ATP11B: variants seen among roughly 807,000 people sequenced by gnomAD.
The protein encoded by ATP11B is ATPase phospholipid transporting 11B (putative).
A neutral mutation model predicts 157.8 loss-of-function variants in ATP11B; 81 were observed. The observed-to-expected ratio is 0.51, with a 90% CI of 0.43 to 0.62. ATP11B has a LOEUF of 0.62. Among genes scored for constraint, ATP11B ranks in the 20% least tolerant of loss-of-function variants. ATP11B has a pLI of 0.00. For missense variants in ATP11B, 1,165 were observed against 1,402.2 expected (o/e 0.83, Z 2.70); for synonymous variants, 451 against 469.4 (o/e 0.96, Z 0.51).
chr3:182,886,520 A>G (rs1722802112), intron 23 of ATP11B, among the ~76,000 whole-genome samples: 1 of 152,156 alleles, frequency 6.6e-6, no homozygotes, highest in Admixed American at 6.5e-5. Context: ...GGAAAATGTA[A>G]TTTGTTAGCA....
intron 29 of ATP11B, chr3:182,916,122 A>G: frequency 1.0e-6 from 1 of 985,400 alleles, no homozygotes; most frequent in Non-Finnish European, 1.2e-6. Context: ...AGATGCATCA[A>G]TATTGTATTT....
At chr3:182,901,249 G>A (rs1457929248) in intron 28 of ATP11B, among the ~76,000 whole-genome samples, 1 of 150,688 alleles carries the variant, frequency 6.6e-6, no homozygotes, top group South Asian at 2.1e-4. Context: ...TGTAGTCCCA[G>A]CTACTCAGGA....
chr3:182,863,365 C>T (rs1720996963), intron 12 of ATP11B, among the ~76,000 whole-genome samples: 1 of 152,042 alleles, frequency 6.6e-6, no homozygotes, highest in Non-Finnish European at 1.5e-5. Context: ...CTTTCTTTCT[C>T]AACTCTCTTC....
intron 15 of ATP11B, among the ~76,000 whole-genome samples, chr3:182,868,740 C>T (rs189454622): frequency 1.7e-3 from 264 of 152,290 alleles, no homozygotes; most frequent in African/African-American, 6.2e-3. Context: ...CTCTGCCACT[C>T]ACAAGCTTAC....
chr3:182,891,392 C>T (rs1723166456), intron 25 of ATP11B, among the ~76,000 whole-genome samples: 1 of 152,130 alleles, frequency 6.6e-6, no homozygotes. Context: ...TGGTGGCCCT[C>T]TACCCAGATA....
At chr3:182,796,393 C>G (rs577168871) in intron 1 of ATP11B, among the ~76,000 whole-genome samples, 1 of 152,306 alleles carries the variant, frequency 6.6e-6, no homozygotes, top group East Asian at 1.9e-4. Flanking sequence ...TAGCTACTCA[C>G]TGTATTCTAA....
chr3:182,885,061 G>T (rs886755614), intron 22 of ATP11B, among the ~76,000 whole-genome samples, 163 bp downstream of exon 22: 1 of 152,108 alleles, frequency 6.6e-6, no homozygotes, highest in Non-Finnish European at 1.5e-5. Flanking sequence ...GCAAATCAGT[G>T]GTTGCCTGGG....
chr3:182,912,251 G>A (rs1644710934), intron 28 of ATP11B, among the ~76,000 whole-genome samples: 1 of 152,102 alleles, frequency 6.6e-6, no homozygotes, highest in African/African-American at 2.4e-5. Context: ...GATCCTCCTG[G>A]TGTTGCTTAA....
chr3:182,799,127 G>T (rs1156313489), intron 1 of ATP11B, among the ~76,000 whole-genome samples: 1 of 152,202 alleles, frequency 6.6e-6, no homozygotes, highest in Admixed American at 6.5e-5. Context: ...TTATATCTAA[G>T]AGACTAGAAG....
At chr3:182,888,413 C>T (rs533699148) in intron 24 of ATP11B, among the ~76,000 whole-genome samples, 1 of 152,240 alleles carries the variant, frequency 6.6e-6, no homozygotes, top group South Asian at 2.1e-4. Context: ...CAGATAACCT[C>T]ACTAAAAAGA....
chr3:182,862,292 C>CA (rs1266316809), intron 12 of ATP11B, among the ~76,000 whole-genome samples: 1 of 149,306 alleles, frequency 6.7e-6, no homozygotes, highest in Admixed American at 6.7e-5. Context: ...AAAAAAAAAA[C>CA]AAAAAAAACC....
Position 182,829,655 on chromosome 3 carries a change from C to CT in ATP11B, c.235-11dup. ...ATATAAAAATATAATATTCTGTATTCTTTTTTATAAATCTAGCTTATGATT... is the reference window on the plus strand; with the variant it reads ...ATATAAAAATATAATATTCTGTATTCTTTTTTTATAAATCTAGCTTATGATT... On this transcript the variant is annotated splice_polypyrimidine_tract_variant and intron_variant, in intron 3 of 29. Coordinates refer to ENST00000323116, the MANE Select transcript of ATP11B (RefSeq NM_014616.3). 1 of 1,508,796 alleles carries CT rather than the reference C, an allele frequency of 6.6e-7. No homozygotes were observed. 93.5% of individuals were successfully genotyped at this position (1,508,796 alleles called of 1,614,324 possible).
chr3:182,882,428 T>C (rs1722489898), intron 21 of ATP11B, among the ~76,000 whole-genome samples: 1 of 151,088 alleles, frequency 6.6e-6, no homozygotes, highest in South Asian at 2.1e-4. Context: ...ATTTAGAATA[T>C]AACAAAGGAG....
At chr3:182,820,175 G>T in intron 1 of ATP11B, 85 bp from the exon 2 acceptor site, 2 of 882,802 alleles carry the variant, frequency 2.3e-6, no homozygotes, top group South Asian at 2.8e-5. Flanking sequence ...TATGTAATCT[G>T]ACCAGCTAAA....
chr3:182,856,854 C>T (rs1720444157), intron 10 of ATP11B, among the ~76,000 whole-genome samples: 1 of 152,106 alleles, frequency 6.6e-6, no homozygotes, highest in African/African-American at 2.4e-5. Flanking sequence ...AGAGTTTTTA[C>T]AAAGCTTGTG....
In ATP11B at chr3:182,913,911, C is replaced by G. The variant is rs901221659; in HGVS notation, c.3369C>G (p.Phe1123Leu). The change falls in exon 29 of 30, where the codon TTC becomes TTG. Residue 1123 changes from phenylalanine (F) to leucine (L), a missense_variant. By Grantham distance (22) the Phe-to-Leu change is conservative (BLOSUM62 0). Around this residue, in one of 4 missense-constraint regions of ATP11B, gnomAD observed 303 missense variants for 296.3 expected, o/e 1.02. Coordinates refer to ENST00000323116, the MANE Select transcript of ATP11B (RefSeq NM_014616.3). The stretch of plus-strand genomic sequence containing the variant: ...AGTGCTTGGACTCCATGTGCTGTTT[C>G]CCGGAAGGAGAAGCAGCGTGTGCAT... ...GIKCLDSMCC[F>L]PEGEAACASV... 1 of 1,614,132 alleles carries G rather than the reference C, an allele frequency of 6.2e-7. No homozygotes were observed. The highest frequency in any genetic ancestry group is 8.5e-7 in the Non-Finnish European group (1 of 1,179,978).
chr3:182,848,206 C>T (rs934435568), intron 9 of ATP11B, among the ~76,000 whole-genome samples: 1 of 152,162 alleles, frequency 6.6e-6, no homozygotes, highest in East Asian at 1.9e-4. Flanking sequence ...TCTATCAATT[C>T]CAATTCAAGT....
intron 1 of ATP11B, among the ~76,000 whole-genome samples, chr3:182,802,426 C>A (rs1340078843): frequency 6.6e-6 from 1 of 152,076 alleles, no homozygotes; most frequent in African/African-American, 2.4e-5. Context: ...ATCTGTATGC[C>A]AACCCCTACA....
chr3:182,904,163 A>G (rs1724166066), intron 28 of ATP11B, among the ~76,000 whole-genome samples: 1 of 152,218 alleles, frequency 6.6e-6, no homozygotes, highest in Admixed American at 6.5e-5. Context: ...CTGGTGCTGC[A>G]GTTGGTGCTA....
Sources: allele counts gnomAD v4.1 joint callset (sites outside exome capture counted in the v4.1 genomes callset), GRCh38; gene constraint gnomAD v4.1.1; regional missense constraint gnomAD v4.1.1; transcripts MANE v1.5; gene names NCBI Gene and HGNC (gene_info 2026-07-23, HGNC 2026-07-21).